Variants in OSBPL11 observed in about 807,000 individuals in gnomAD.
The protein encoded by OSBPL11 is oxysterol-binding protein-related protein 11.
Under a neutral mutation model 84.4 loss-of-function variants are expected in OSBPL11, and 33 were observed. That is an observed-to-expected ratio of 0.39 (90% CI 0.30 to 0.52). The LOEUF is 0.52. Ranked by LOEUF, OSBPL11 falls within the 20% of genes least tolerant of loss-of-function variation. OSBPL11 has a pLI of 0.72. For synonymous variants in OSBPL11, 276 were observed against 310.2 expected, an observed-to-expected ratio of 0.89 and a Z score of 1.16; for missense variants, 736 against 901.1, an observed-to-expected ratio of 0.82 and a Z score of 2.35.
At chr3:125,590,720 T>G (rs1936582490) in intron 1 of OSBPL11, among the ~76,000 whole-genome samples, 1 of 152,134 alleles carries the variant, frequency 6.6e-6, no homozygotes, top group African/African-American at 2.4e-5. Context: ...AATAAAAGAG[T>G]GCTTCAGACA....
In OSBPL11 at chr3:125,538,563, C is replaced by G; in HGVS notation, c.1912G>C (p.Val638Leu). The G allele has an allele frequency of 6.2e-7, 1 of 1,614,160 alleles. No homozygotes were observed. Among genetic ancestry groups the G allele is most frequent in the Non-Finnish European group, 8.5e-7 (1 of 1,180,026 alleles). Residue 638 changes from valine to leucine, a missense_variant, in exon 11 of 13, where the codon GTT becomes CTT. Physicochemically the swap from Val to Leu is conservative, Grantham distance 32. Coordinates refer to ENST00000296220, the MANE Select transcript of OSBPL11 (RefSeq NM_022776.5). ...CCATTGCTATATGTGAACTCAAGAA[C>G]ACTATTCCATTCCCCTTGCACTCTG... ...VCRVQGEWNS[V>L]LEFTYSNGET...
At chr3:125,594,113 G>A (rs1936644249) in intron 1 of OSBPL11, among the ~76,000 whole-genome samples, 1 of 152,164 alleles carries the variant, frequency 6.6e-6, no homozygotes, top group Non-Finnish European at 1.5e-5. Flanking sequence ...TTTATCAGAG[G>A]CATTAGGATC....
chr3:125,532,591 A>C (rs1228540700), intron 11 of OSBPL11, among the ~76,000 whole-genome samples: 3 of 133,008 alleles, frequency 2.3e-5, no homozygotes, highest in Admixed American at 7.6e-5. Context: ...AAAAAAAAAA[A>C]ACAAAAAAAA....
At chr3:125,538,188 A>C (rs1323562651) in intron 11 of OSBPL11, among the ~76,000 whole-genome samples, 1 of 152,178 alleles carries the variant, frequency 6.6e-6, no homozygotes, top group Admixed American at 6.5e-5. Flanking sequence ...AGTTTTTATG[A>C]TACACACAGT....
intron 8 of OSBPL11, among the ~76,000 whole-genome samples, chr3:125,554,364 G>A (rs1935958875): frequency 6.6e-6 from 1 of 152,166 alleles, no homozygotes; most frequent in Admixed American, 6.5e-5. Flanking sequence ...CACCAAGTAT[G>A]AGATGAAAAA....
At chr3:125,571,961 C>T (rs185297564) in intron 5 of OSBPL11, among the ~76,000 whole-genome samples, 1 of 152,338 alleles carries the variant, frequency 6.6e-6, no homozygotes, top group East Asian at 1.9e-4. Context: ...CCACTGACAG[C>T]TTGTACCATG....
At chr3:125,565,330 G>C (rs1399156887) in intron 6 of OSBPL11, among the ~76,000 whole-genome samples, 1 of 152,122 alleles carries the variant, frequency 6.6e-6, no homozygotes, top group Non-Finnish European at 1.5e-5. Flanking sequence ...ATTTGACTGA[G>C]AATTATGATT....
At chr3:125,566,321 A>C (rs1936156702) in intron 6 of OSBPL11, among the ~76,000 whole-genome samples, 1 of 152,004 alleles carries the variant, frequency 6.6e-6, no homozygotes, top group South Asian at 2.1e-4. Context: ...ACATTATTTT[A>C]TACTTATTAT....
chr3:125,537,672 A>C lies in OSBPL11; in HGVS notation c.2024+779T>G, dbSNP rs76201556. The stretch of plus-strand genomic sequence containing the variant: ...TGTAAGATGTTTAGTGGTTCCCTGT[A>C]TATTTTTTTTCTATTTTTAATTGAT... On this transcript the variant is annotated intron_variant, in intron 11 of 12. Coordinates refer to ENST00000296220, the MANE Select transcript of OSBPL11 (RefSeq NM_022776.5). Among the ~76,000 whole-genome samples the C allele has an allele frequency of 3.7e-4, 57 of 152,218 alleles. No individual in the cohort carries two copies. In the East Asian group the frequency reaches 0.011, roughly 29 times the overall value.
chr3:125,594,346 G>T (rs1418748564), intron 1 of OSBPL11, among the ~76,000 whole-genome samples: 1 of 152,226 alleles, frequency 6.6e-6, no homozygotes, highest in Admixed American at 6.5e-5. Context: ...ATAGGCAAAA[G>T]CAGAAGTGAG....
intron 1 of OSBPL11, among the ~76,000 whole-genome samples, chr3:125,593,322 TAA>T (rs1466867404): frequency 6.6e-6 from 1 of 152,030 alleles, no homozygotes; most frequent in Non-Finnish European, 1.5e-5. Context: ...CACTTACCAA[TAA>T]AAAGTTATCT....
chr3:125,550,604 A>G (rs1373324758), intron 9 of OSBPL11, among the ~76,000 whole-genome samples: 3 of 152,200 alleles, frequency 2.0e-5, no homozygotes, highest in Non-Finnish European at 4.4e-5. Flanking sequence ...CCATGCTTAC[A>G]CTGTAAGATG....
At chr3:125,577,693 G>A (rs1936347153) in intron 4 of OSBPL11, among the ~76,000 whole-genome samples, 2 of 152,108 alleles carry the variant, frequency 1.3e-5, no homozygotes, top group Admixed American at 1.3e-4. Flanking sequence ...GCCGGGCGTG[G>A]TGGCAGGTGC....
In OSBPL11 at chr3:125,595,192, CT is replaced by C. The variant is rs1467015434; in HGVS notation, c.-393del. On this transcript the variant is annotated 5_prime_UTR_variant, in exon 1 of 13. Transcript: ENST00000296220. ...ACGGACAGGGGACCCGCGGCCTAAC[CT>C]CGGGGCTGACCCGCCGCGCTCCCTC... 6 of 163,282 alleles carry C rather than the reference CT, an allele frequency of 3.7e-5. No homozygotes were observed. The highest frequency in any genetic ancestry group is 8.1e-5 in the Non-Finnish European group (6 of 74,238). The allele number at this position is 163,282 out of a possible 1,614,324, so 10.1% of individuals were successfully genotyped here. A position where few individuals can be genotyped will look rare whatever the true frequency, so the allele number is the denominator to read the frequency against.
intron 10 of OSBPL11, among the ~76,000 whole-genome samples, chr3:125,546,718 C>A (rs961709102): frequency 2.6e-5 from 4 of 151,820 alleles, no homozygotes; most frequent in Admixed American, 1.3e-4. Flanking sequence ...TGGTGAAAGC[C>A]CATCTCAACT....
At chr3:125,579,114 C>T in intron 3 of OSBPL11, 75 bp from the exon 4 acceptor site, 1 of 1,080,972 alleles carries the variant, frequency 9.3e-7, no homozygotes. Flanking sequence ...GTATGAAGAT[C>T]AGATCACTGA....
chr3:125,539,019 A>T (rs1452117073), intron 10 of OSBPL11, among the ~76,000 whole-genome samples: 2 of 151,984 alleles, frequency 1.3e-5, no homozygotes, highest in African/African-American at 2.4e-5. Context: ...TTTTTTTACT[A>T]GTTAATTTTA....
chr3:125,540,837 G>C (rs1935719633), intron 10 of OSBPL11, among the ~76,000 whole-genome samples: 1 of 152,210 alleles, frequency 6.6e-6, no homozygotes, highest in Admixed American at 6.5e-5. Flanking sequence ...ACGAAGAGAA[G>C]TGGGGCAGGG....
Position 125,552,278 on chromosome 3 carries a change from A to T in OSBPL11, c.1557T>A (p.Tyr519Ter). Residue 519 changes from tyrosine to a stop codon, truncating the protein, a stop_gained, in exon 9 of 13, where the codon TAT (tyrosine) becomes TAA (stop). Transcript: ENST00000296220. LOFTEE classifies it high-confidence loss of function. ...ACATCTTCCTCTCTGTACATTCTGC[A>T]TAAAATCCTGAGACTGGAGGATGAT... Reference protein sequence around the residue: ...VSHHPPVSGFYAECTERKMCV... With the variant: ...VSHHPPVSGF 1 of 1,614,152 alleles carries T rather than the reference A, an allele frequency of 6.2e-7. No individual in the cohort carries two copies. Among genetic ancestry groups the T allele is most frequent in the Non-Finnish European group, 8.5e-7 (1 of 1,180,008 alleles).
Sources: gnomAD v4.1 joint callset for allele counts (sites outside exome capture counted in the v4.1 genomes callset) on GRCh38, gnomAD v4.1.1 for gene constraint, MANE v1.5 for transcripts, NCBI Gene and HGNC (gene_info 2026-07-23, HGNC 2026-07-21) for gene names.